ASCC3: variants seen among roughly 807,000 people sequenced by gnomAD.
ASCC3 encodes ASC-1 complex subunit P200.
In ASCC3, 158 loss-of-function variants were observed where a neutral mutation model predicts 256.3. The observed-to-expected ratio is 0.62, with a 90% CI of 0.54 to 0.70. The LOEUF (loss-of-function observed/expected upper bound fraction) is 0.70, where lower values mean the gene tolerates loss of function less well. Among genes scored for constraint, ASCC3 ranks in the 30% least tolerant of loss-of-function variants. The pLI, the probability that ASCC3 is intolerant of heterozygous loss-of-function variation, is 0.00. For missense variants in ASCC3, 2,259 were observed against 2,626.0 expected (o/e 0.86, Z 3.05); for synonymous variants, 948 against 883.4 (o/e 1.07, Z -1.30).
intron 4 of ASCC3, among the ~76,000 whole-genome samples, chr6:100,811,209 T>G (rs1372931847): frequency 6.6e-6 from 1 of 152,192 alleles, no homozygotes; most frequent in Non-Finnish European, 1.5e-5. Flanking sequence ...GTCCTGCTCT[T>G]ACAAGTATTA....
Position 100,766,419 on chromosome 6 carries a change from G to T in ASCC3, c.1737+146C>A. On this transcript the variant is annotated intron_variant, in intron 10 of 41. Coordinates refer to ENST00000369162, the MANE Select transcript of ASCC3 (RefSeq NM_006828.4). ...ACCAGCAAAAACTCTTTGTAGTACA[G>T]AGACAAGATGTGGTTACAAATAAAA... The T allele has an allele frequency of 5.8e-6, 5 of 858,342 alleles. No homozygotes were observed. In the South Asian group the frequency reaches 8.6e-5, roughly 15 times the overall value. 53.2% of individuals were successfully genotyped at this position (858,342 alleles called of 1,614,324 possible).
At chr6:100,709,575 TATGGTATCTGA>T (rs1778773596) in intron 13 of ASCC3, among the ~76,000 whole-genome samples, 1 of 152,194 alleles carries the variant, frequency 6.6e-6, no homozygotes, top group Admixed American at 6.6e-5. Context: ...AAGAGACTTA[TATGGTATCTGA>T]AAATTAGAAC....
rs770644902 is a variant in ASCC3, at chr6:100,631,211, C to T, written c.4125G>A (p.Ala1375=). Residue 1375 remains alanine, a splice_region_variant and synonymous_variant, in exon 26 of 42, where the codon GCG becomes GCA. Coordinates refer to ENST00000369162, the MANE Select transcript of ASCC3 (RefSeq NM_006828.4). The part of the protein sequence containing the change: ...RVFNKYPTSK[A]VYIAPLKALV... The stretch of plus-strand genomic sequence containing the variant: ...GGGCTTTTAGGGGTGCAATATATAC[C>T]GCCTAAAAAGGGGAGAATAGCCAAA... The T allele has an allele frequency of 8.7e-6, 14 of 1,609,844 alleles. No individual in the cohort carries two copies. The highest frequency in any genetic ancestry group is 6.7e-5 in the East Asian group (3 of 44,664).
At chr6:100,821,500 C>G (rs1771040403) in intron 4 of ASCC3, among the ~76,000 whole-genome samples, 1 of 151,742 alleles carries the variant, frequency 6.6e-6, no homozygotes, top group Non-Finnish European at 1.5e-5. Context: ...GATATATGAA[C>G]AAAATGGAAT....
chr6:100,841,097 G>T (rs1301922469), intron 4 of ASCC3, among the ~76,000 whole-genome samples: 1 of 152,162 alleles, frequency 6.6e-6, no homozygotes, highest in African/African-American at 2.4e-5. Context: ...AAAGATAAAA[G>T]AGTCATTCTC....
At chr6:100,584,711 G>A (rs920207244) in intron 36 of ASCC3, among the ~76,000 whole-genome samples, 4 of 152,094 alleles carry the variant, frequency 2.6e-5, no homozygotes, top group Non-Finnish European at 4.4e-5. Context: ...TGATTTTGCA[G>A]CGGCTGGTAC....
intron 4 of ASCC3, among the ~76,000 whole-genome samples, chr6:100,811,965 T>C (rs909556801): frequency 6.6e-6 from 1 of 152,116 alleles, no homozygotes; most frequent in Non-Finnish European, 1.5e-5. Context: ...GTAATAAGCT[T>C]GAGATTGATA....
chr6:100,522,196 A>T (rs959730659), intron 37 of ASCC3, among the ~76,000 whole-genome samples: 4 of 152,096 alleles, frequency 2.6e-5, no homozygotes, highest in African/African-American at 9.7e-5. Context: ...GTGTTGGGGA[A>T]ACATGAATGG....
In ASCC3 at chr6:100,867,972, G is replaced by T; in HGVS notation, c.26C>A (p.Ala9Asp). The T allele has an allele frequency of 1.2e-6, 2 of 1,613,730 alleles. No individual in the cohort carries two copies. Among genetic ancestry groups the T allele is most frequent in the African/African-American group, 1.3e-5 (1 of 75,040 alleles). MALPRLTG[A>D]LRSFSNVTKQ... is the part of the protein sequence containing the mutation. ...GGTGACATTTGAAAAGGAACGCAAG[G>T]CTCCTGTGAGACGAGGTAAAGCCAT... The change falls in exon 2 of 42, where the codon GCC (alanine) becomes GAC (aspartate). Residue 9 changes from alanine to aspartate, a missense_variant. Ala to Asp is a moderately radical substitution (Grantham distance 126). Coordinates refer to ENST00000369162, the MANE Select transcript of ASCC3 (RefSeq NM_006828.4).
At chr6:100,570,017 C>A (rs986515768) in intron 36 of ASCC3, among the ~76,000 whole-genome samples, 9 of 152,012 alleles carry the variant, frequency 5.9e-5, no homozygotes, top group Non-Finnish European at 1.0e-4. Context: ...TAGATGTATT[C>A]CCAGGTATTT....
intron 11 of ASCC3, among the ~76,000 whole-genome samples, chr6:100,722,109 T>C (rs1346262480): frequency 6.6e-6 from 1 of 151,902 alleles, no homozygotes; most frequent in Non-Finnish European, 1.5e-5. Context: ...CCATTGCTTA[T>C]TTTTGTCAGC....
chr6:100,635,388 G>A (rs1309969346), intron 25 of ASCC3, among the ~76,000 whole-genome samples: 1 of 152,088 alleles, frequency 6.6e-6, no homozygotes, highest in Non-Finnish European at 1.5e-5. Context: ...ATTTTTAAAA[G>A]TTGGATTCAT....
At chr6:100,613,629 CAATA>C (rs1773519350) in intron 30 of ASCC3, among the ~76,000 whole-genome samples, 1 of 152,108 alleles carries the variant, frequency 6.6e-6, no homozygotes, top group African/African-American at 2.4e-5. Flanking sequence ...AATAGTGCTG[CAATA>C]AATATATGAG....
chr6:100,531,753 C>T (rs985934074), intron 37 of ASCC3, among the ~76,000 whole-genome samples: 2 of 152,112 alleles, frequency 1.3e-5, no homozygotes, highest in Non-Finnish European at 2.9e-5. Flanking sequence ...GCTTACCTTA[C>T]CCATGTTTAT....
At chr6:100,744,022 C>T (rs1406108261) in intron 10 of ASCC3, among the ~76,000 whole-genome samples, 1 of 152,080 alleles carries the variant, frequency 6.6e-6, no homozygotes, top group Non-Finnish European at 1.5e-5. Context: ...GATTAACATA[C>T]TGAACTGATA....
At chr6:100,529,117 C>A (rs1322671586) in intron 37 of ASCC3, among the ~76,000 whole-genome samples, 1 of 151,830 alleles carries the variant, frequency 6.6e-6, no homozygotes, top group African/African-American at 2.4e-5. Flanking sequence ...AGGAGGCAAA[C>A]CTTAAAATGA....
At chr6:100,561,991 T>C (rs1402418787) in intron 36 of ASCC3, among the ~76,000 whole-genome samples, 1 of 152,118 alleles carries the variant, frequency 6.6e-6, no homozygotes, top group African/African-American at 2.4e-5. Context: ...TAAGAAAGCA[T>C]AACATTTTAT....
intron 36 of ASCC3, among the ~76,000 whole-genome samples, chr6:100,558,072 A>G (rs894190468): frequency 1.7e-5 from 2 of 119,676 alleles, no homozygotes; most frequent in African/African-American, 8.1e-5. Flanking sequence ...CACTTCTTTG[A>G]AAAAAAAAAA....
intron 13 of ASCC3, among the ~76,000 whole-genome samples, chr6:100,686,361 C>T (rs1158021445): frequency 6.6e-6 from 1 of 152,040 alleles, no homozygotes; most frequent in East Asian, 1.9e-4. Context: ...ATGTCTCTAC[C>T]ACCCTTCCCT....
Sources: gnomAD v4.1 joint callset for allele counts (sites outside exome capture counted in the v4.1 genomes callset) on GRCh38, gnomAD v4.1.1 for gene constraint, MANE v1.5 for transcripts, NCBI Gene and HGNC (gene_info 2026-07-23, HGNC 2026-07-21) for gene names.